Variants in RBFOX2 observed in about 807,000 individuals in gnomAD.
The protein encoded by RBFOX2 is RNA binding protein fox-1 homolog 2.
A neutral mutation model predicts 49.1 loss-of-function variants in RBFOX2; 10 were observed. That is an observed-to-expected ratio of 0.20 (90% CI 0.13 to 0.35). The LOEUF (loss-of-function observed/expected upper bound fraction) is 0.35. Ranked by LOEUF, RBFOX2 falls within the 10% of genes least tolerant of loss-of-function variation. The pLI, the probability that RBFOX2 is intolerant of heterozygous loss-of-function variation, is 1.00. For synonymous variants in RBFOX2, 183 were observed against 187.4 expected (o/e 0.98, Z 0.19); for missense variants, 323 against 486.9 (o/e 0.66, Z 3.17).
At chr22:35,757,978 T>A (rs1937505507) in intron 9 of RBFOX2, among the ~76,000 whole-genome samples, 1 of 152,180 alleles carries the variant, frequency 6.6e-6, no homozygotes, top group Non-Finnish European at 1.5e-5. Flanking sequence ...CTAAGTCAAA[T>A]AACTTATTGG....
At chr22:35,776,928 G>A (rs1293058466) in intron 4 of RBFOX2, among the ~76,000 whole-genome samples, 3 of 146,644 alleles carry the variant, frequency 2.0e-5, no homozygotes, top group African/African-American at 7.6e-5. Flanking sequence ...CCATTCCCTT[G>A]TTCTTAAAAA....
chr22:35,782,885 T>G (rs962516139), intron 2 of RBFOX2, among the ~76,000 whole-genome samples: 1 of 152,184 alleles, frequency 6.6e-6, no homozygotes, highest in Non-Finnish European at 1.5e-5. Flanking sequence ...TTTTTTACTT[T>G]TTGCACTCAT....
chr22:35,903,914 C>T (rs141706358), intron 1 of RBFOX2, among the ~76,000 whole-genome samples: 1 of 151,362 alleles, frequency 6.6e-6, no homozygotes, highest in Non-Finnish European at 1.5e-5. Context: ...GATCTTATCA[C>T]TCTCCTACTT....
chr22:35,991,299 C>T (rs1434219571), intron 1 of RBFOX2, among the ~76,000 whole-genome samples: 2 of 151,914 alleles, frequency 1.3e-5, no homozygotes, highest in South Asian at 2.1e-4. Flanking sequence ...ACCGGAAGAT[C>T]GGAATGGAAG....
chr22:35,890,774 A>G (rs2047142547), intron 1 of RBFOX2, among the ~76,000 whole-genome samples: 1 of 152,192 alleles, frequency 6.6e-6, no homozygotes, highest in African/African-American at 2.4e-5. Context: ...AGTAAATGTT[A>G]TCACTCAATA....
chr22:35,993,531 C>T (rs1179032963), intron 1 of RBFOX2: 1 of 152,178 alleles, frequency 6.6e-6, no homozygotes, highest in Non-Finnish European at 1.5e-5. Flanking sequence ...AAATGCAGCC[C>T]AGTCAAAAGC....
At chr22:36,004,983 AG>A (rs1325882133) in intron 1 of RBFOX2, among the ~76,000 whole-genome samples, 1 of 152,144 alleles carries the variant, frequency 6.6e-6, no homozygotes, top group Non-Finnish European at 1.5e-5. Flanking sequence ...CCATTCTCTG[AG>A]GAAAGGTTGA....
intron 1 of RBFOX2, among the ~76,000 whole-genome samples, chr22:35,865,866 CTAAAAAA>C: frequency 6.6e-6 from 1 of 151,808 alleles, no homozygotes; most frequent in Non-Finnish European, 1.5e-5. Context: ...TGTTCTTTAG[CTAAAAAA>C]AAGGCAGCTA....
intron 6 of RBFOX2, among the ~76,000 whole-genome samples, chr22:35,761,720 G>A (rs554724902): frequency 6.6e-6 from 1 of 151,986 alleles, no homozygotes; most frequent in African/African-American, 2.4e-5. Context: ...GATGGAGAGG[G>A]AATGAGAGGA....
intron 1 of RBFOX2, among the ~76,000 whole-genome samples, chr22:35,852,278 G>A (rs565287858): frequency 2.9e-4 from 44 of 152,214 alleles, no homozygotes; most frequent in Admixed American, 2.8e-3. Flanking sequence ...CTGCAGGGGT[G>A]TGAGAGGGTG....
chr22:35,970,213 C>T (rs1042017739), intron 1 of RBFOX2, among the ~76,000 whole-genome samples: 4 of 152,096 alleles, frequency 2.6e-5, no homozygotes, highest in African/African-American at 9.7e-5. Context: ...TTCCAAATAC[C>T]CTGACACATT....
chr22:35,788,047 C>G (rs5755951), intron 2 of RBFOX2, among the ~76,000 whole-genome samples: 33,417 of 152,138 alleles, frequency 0.22, 5,540 homozygotes, highest in African/African-American at 0.47. Context: ...TAATAGCAAA[C>G]TAGAATTTTA....
chr22:35,877,525 C>T (rs575333793), intron 1 of RBFOX2, among the ~76,000 whole-genome samples: 1 of 152,222 alleles, frequency 6.6e-6, no homozygotes, highest in African/African-American at 2.4e-5. Flanking sequence ...GGGTCTGAAA[C>T]GGTAACAATC....
intron 1 of RBFOX2, among the ~76,000 whole-genome samples, chr22:35,987,842 A>C (rs2057788470): frequency 6.6e-6 from 1 of 152,222 alleles, no homozygotes; most frequent in Non-Finnish European, 1.5e-5. Flanking sequence ...GCATCTAAAA[A>C]TGAGATAATA....
rs1281758108 is a variant in RBFOX2 at position 36,019,894 on chromosome 22, T to C, written c.186+8346A>G. On this transcript the variant is annotated intron_variant, in intron 1 of 13. Coordinates refer to the RBFOX2 transcript ENST00000438146. ...CTTTCTTCACAGAATTGGAAAAAAC[T>C]ACTTTGAAGTTCATATAGAACCAAA... Among the ~76,000 whole-genome samples, 5 of 152,166 alleles carry C rather than the reference T, an allele frequency of 3.3e-5. 1 individual carries two copies. In the East Asian group the frequency reaches 9.6e-4, roughly 29 times the overall value.
At chr22:35,919,980 A>C (rs1284481062) in intron 1 of RBFOX2, among the ~76,000 whole-genome samples, 1 of 152,180 alleles carries the variant, frequency 6.6e-6, no homozygotes, top group Non-Finnish European at 1.5e-5. Flanking sequence ...TTACACACCT[A>C]GTCTCCTTCT....
chr22:35,804,207 G>A (rs1950281151), intron 2 of RBFOX2, among the ~76,000 whole-genome samples: 1 of 152,026 alleles, frequency 6.6e-6, no homozygotes, highest in African/African-American at 2.4e-5. Context: ...GAACCTGGGA[G>A]GCAGAGGTTG....
intron 1 of RBFOX2, among the ~76,000 whole-genome samples, chr22:35,823,007 A>G (rs1954866174): frequency 6.6e-6 from 1 of 152,056 alleles, no homozygotes; most frequent in African/African-American, 2.4e-5. Flanking sequence ...CATTTTTAGT[A>G]GAGACAGGGT....
At chr22:35,990,253 G>A (rs557850912) in intron 1 of RBFOX2, among the ~76,000 whole-genome samples, 1 of 152,174 alleles carries the variant, frequency 6.6e-6, no homozygotes, top group African/African-American at 2.4e-5. Context: ...AGGAAAGGTT[G>A]GATATTAGGA....
Sources: gnomAD v4.1 joint callset for allele counts (sites outside exome capture counted in the v4.1 genomes callset) on GRCh38, gnomAD v4.1.1 for gene constraint, MANE v1.5 for transcripts, NCBI Gene and HGNC (gene_info 2026-07-23, HGNC 2026-07-21) for gene names.